The following ZNF605 variants were observed in gnomAD, a reference collection of about 807,000 sequenced individuals.
ZNF605 encodes the protein zinc finger protein 605.
In ZNF605, 9 loss-of-function variants were observed where a neutral mutation model predicts 7.9. The ratio of observed to expected loss-of-function variants is 1.14; its 90% confidence interval spans 0.68 to 1.98. The LOEUF is 1.98. Among genes scored for constraint, ZNF605 ranks in the 30% most tolerant of loss-of-function variants. The pLI is 0.00. For missense variants in ZNF605, 673 were observed against 762.4 expected, an observed-to-expected ratio of 0.88 and a Z score of 1.38; for synonymous variants, 255 against 260.1, an observed-to-expected ratio of 0.98 and a Z score of 0.19.
chr12:132,932,659 C>A lies in ZNF605; in HGVS notation c.136+376G>T. The A allele has an allele frequency of 1.6e-6, 2 of 1,241,340 alleles. 1 individual carries two copies. Among genetic ancestry groups the A allele is most frequent in the Non-Finnish European group, 2.2e-6 (2 of 904,180 alleles). The allele number at this position is 1,241,340 out of a possible 1,614,324, so 76.9% of individuals were successfully genotyped here. ...CACTTTAAAAGTGCCCACCTGTCATCAAAAACCTGAGATAAAATGTTCACT... is the reference window on the plus strand; with the variant it reads ...CACTTTAAAAGTGCCCACCTGTCATAAAAAACCTGAGATAAAATGTTCACT... On this transcript the variant is annotated intron_variant, in intron 4 of 4. Transcript: ENST00000360187.
chr12:132,941,752 C>T lies in ZNF605; in HGVS notation c.15+3869G>A, dbSNP rs1593595346. Among the ~76,000 whole-genome samples, 2 of 152,018 alleles carry T rather than the reference C, an allele frequency of 1.3e-5. No individual in the cohort carries two copies. The highest frequency in any genetic ancestry group is 6.6e-5 in the Admixed American group (1 of 15,250). ...GGTACCTCCAGGCTGCCCTCCGTCA[C>T]GCGTCCCTCTTCTCCGGGCTGCCCT... On this transcript the variant is annotated intron_variant, in intron 3 of 4. Coordinates refer to ENST00000360187, the MANE Select transcript of ZNF605 (RefSeq NM_183238.4). This position sits in a 1 kb window ranked among gnomAD's most constrained non-coding sequence, Gnocchi z 5.1.
chr12:132,932,938 A>C (rs1280745402), intron 4 of ZNF605, 97 bp downstream of exon 4: 2 of 1,455,514 alleles, frequency 1.4e-6, no homozygotes, highest in Non-Finnish European at 9.2e-7. Flanking sequence ...TATAAAAGTC[A>C]AATAATCTTT....
chr12:132,922,490 A>G lies in ZNF605; in HGVS notation c.*2883T>C, dbSNP rs1333961952. On this transcript the variant is annotated 3_prime_UTR_variant, in exon 5 of 5. Transcript: ENST00000360187. Reference sequence around the variant, plus strand: ...ATACAGATAGAAAATACTGATATGTAGTGTGGGGAATCTTGAGACATTTCA... The same window carrying G: ...ATACAGATAGAAAATACTGATATGTGGTGTGGGGAATCTTGAGACATTTCA... The G allele has an allele frequency of 1.3e-5, 2 of 152,264 alleles. No individual in the cohort carries two copies. The highest frequency in any genetic ancestry group is 4.8e-5 in the African/African-American group (2 of 41,478). The allele number at this position is 152,264 out of a possible 1,614,324, so 9.4% of individuals were successfully genotyped here.
In ZNF605 at chr12:132,925,276, T is replaced by C; in HGVS notation, c.*97A>G. 1 of 863,246 alleles carries C rather than the reference T, an allele frequency of 1.2e-6. No individual in the cohort carries two copies. The highest frequency in any genetic ancestry group is 3.0e-5 in the Admixed American group (1 of 33,434). The allele number at this position is 863,246 out of a possible 1,614,324, so 53.5% of individuals were successfully genotyped here. A position where few individuals can be genotyped will look rare whatever the true frequency, so the allele number is the denominator to read the frequency against. On this transcript the variant is annotated 3_prime_UTR_variant, in exon 5 of 5. Coordinates refer to ENST00000360187, the MANE Select transcript of ZNF605 (RefSeq NM_183238.4). ...CAATTCAAGCTTTTTCAACAGTCAC[T>C]GCCTCAATAGGGTTTCTCTCCCACA...
intron 3 of ZNF605, among the ~76,000 whole-genome samples, chr12:132,937,233 C>T (rs1479955493): frequency 2.0e-5 from 3 of 151,802 alleles, no homozygotes; most frequent in Non-Finnish European, 2.9e-5. Flanking sequence ...GTGACACGCA[C>T]CTGTAATCCT....
At position 132,926,098 on chromosome 12, in the gene ZNF605, C is replaced by T; in HGVS notation, c.1201G>A (p.Ala401Thr). ...ATTAACTCTGACTTCTTAAAGAAGG[C>T]CTCCTCACAATCACTGCATCGATAG... is the stretch of plus-strand genomic sequence containing the variant. Reference protein sequence around the residue: ...KNYRCSDCEEAFFKKSELIRH... With the variant: ...KNYRCSDCEETFFKKSELIRH... Residue 401 changes from alanine (A) to threonine (T), a missense_variant, in exon 5 of 5, where the codon GCC (alanine) becomes ACC (threonine). By Grantham distance (58) the Ala-to-Thr change is moderately conservative. Coordinates refer to ENST00000360187, the MANE Select transcript of ZNF605 (RefSeq NM_183238.4). The T allele has an allele frequency of 6.2e-7, 1 of 1,614,184 alleles. No individual in the cohort carries two copies. The highest frequency in any genetic ancestry group is 1.7e-5 in the Admixed American group (1 of 60,018).
Position 132,933,245 on chromosome 12 carries a change from A to T in ZNF605, c.16-90T>A. On this transcript the variant is annotated intron_variant, in intron 3 of 4. Transcript: ENST00000360187. The surrounding 1 kb of genome is among the most constrained non-coding windows in gnomAD (Gnocchi z 4.4). ...TCTGTATTTGTGGTAGGTGGCCTCTAAGATGGCCCCAGTGACCTCTGACTC... is the reference window on the plus strand; with the variant it reads ...TCTGTATTTGTGGTAGGTGGCCTCTTAGATGGCCCCAGTGACCTCTGACTC... The T allele has an allele frequency of 6.9e-7, 1 of 1,438,916 alleles. No homozygotes were observed. Among genetic ancestry groups the T allele is most frequent in the Non-Finnish European group, 9.3e-7 (1 of 1,070,522 alleles). The allele number at this position is 1,438,916 out of a possible 1,614,324, so 89.1% of individuals were successfully genotyped here.
intron 3 of ZNF605, among the ~76,000 whole-genome samples, chr12:132,938,524 C>G (rs1366299684): frequency 3.3e-5 from 5 of 152,150 alleles, no homozygotes; most frequent in African/African-American, 9.7e-5. Context: ...TGGTCTCGAA[C>G]TCCCGACCTC....
Position 132,954,245 on chromosome 12 carries a change from C to A in ZNF605, c.-286+1998G>T, listed in dbSNP as rs1019848943. Among the ~76,000 whole-genome samples, 680 of 148,688 alleles carry A rather than the reference C, an allele frequency of 4.6e-3. 3 individuals are homozygous for A. The highest frequency in any genetic ancestry group is 0.013 in the African/African-American group (511 of 40,070). On this transcript the variant is annotated intron_variant, in intron 1 of 4. Coordinates refer to ENST00000360187, the MANE Select transcript of ZNF605 (RefSeq NM_183238.4). ...CCAGACACCATAATCACCAGCACCC[C>A]CAAAGCCCCACTTAAGAATCACCAC... is the stretch of plus-strand genomic sequence containing the variant.
intron 1 of ZNF605, among the ~76,000 whole-genome samples, chr12:132,949,148 T>C (rs12315504): frequency 0.31 from 46,670 of 152,034 alleles, 8,110 homozygotes; most frequent in South Asian, 0.4. Flanking sequence ...AGGCTCTGAG[T>C]GAGTTGCTCC....
At chr12:132,934,203 T>C (rs11147171) in intron 3 of ZNF605, among the ~76,000 whole-genome samples, 9,684 of 151,238 alleles carry the variant, frequency 0.064, 433 homozygotes, top group Non-Finnish European at 0.092. Context: ...CACTTGAACC[T>C]GGGAGGTGGA....
chr12:132,926,903 T>C lies in ZNF605; in HGVS notation c.396A>G (p.Lys132=). ...ELNKKLLFCI[K]PGRTHGGIKY... ...TTATCCCACCATGGGTTCTGCCAGG[T>C]TTGATACAGAACAATAATTTCTTAT... Residue 132 remains lysine (K), a synonymous_variant, in exon 5 of 5, where the codon AAA becomes AAG. Coordinates refer to ENST00000360187, the MANE Select transcript of ZNF605 (RefSeq NM_183238.4). 6.2e-7 allele frequency: 1 copy of C among 1,613,878 alleles called. No individual in the cohort carries two copies. The highest frequency in any genetic ancestry group is 8.5e-7 in the Non-Finnish European group (1 of 1,179,938).
rs1219650083 is a variant in ZNF605, at chr12:132,925,410, G to A, written c.1889C>T (p.Ser630Leu). Residue 630 changes from serine (S) to leucine (L), a missense_variant, in exon 5 of 5, where the codon TCG becomes TTG. By Grantham distance (145) the Ser-to-Leu change is moderately radical. Transcript: ENST00000360187. ...ATTTCTCTGATGTATCATAAGCTGC[G>A]ACTTCCTGTTGAAGGTGGTCCCACA... ...NECGTTFNRK[S>L]QLMIHQRNHI... 9.3e-6 allele frequency: 15 copies of A among 1,604,934 alleles called. No homozygotes were observed. The highest frequency in any genetic ancestry group is 1.7e-5 in the Admixed American group (1 of 58,684).
intron 4 of ZNF605, among the ~76,000 whole-genome samples, chr12:132,928,965 A>G (rs951782660): frequency 1.3e-5 from 2 of 151,772 alleles, no homozygotes; most frequent in Non-Finnish European, 2.9e-5. Flanking sequence ...GCAGTGACCC[A>G]TAACTATCAC....
chr12:132,940,951 A>T (rs1227890875), intron 3 of ZNF605, among the ~76,000 whole-genome samples: 1 of 149,878 alleles, frequency 6.7e-6, no homozygotes, highest in Non-Finnish European at 1.5e-5. Context: ...GTCCACGTGT[A>T]CCCAGTGTTT....
intron 2 of ZNF605, among the ~76,000 whole-genome samples, chr12:132,946,415 C>T (rs1485580525): frequency 6.6e-6 from 1 of 152,200 alleles, no homozygotes; most frequent in African/African-American, 2.4e-5. Flanking sequence ...TGAGGCTGAG[C>T]AGGGCCTGGC....
At chr12:132,953,953 G>T (rs1298630089) in intron 1 of ZNF605, among the ~76,000 whole-genome samples, 4 of 151,742 alleles carry the variant, frequency 2.6e-5, no homozygotes, top group Non-Finnish European at 1.5e-5. Context: ...GTCATCTCTG[G>T]TACCCGGTCA....
chr12:132,940,735 T>C (rs1952427587), intron 3 of ZNF605, among the ~76,000 whole-genome samples: 1 of 152,048 alleles, frequency 6.6e-6, no homozygotes, highest in Non-Finnish European at 1.5e-5. Context: ...GACAGGACTT[T>C]TTAAAAAAAA....
chr12:132,926,506 T>C lies in ZNF605; in HGVS notation c.793A>G (p.Lys265Glu). The C allele has an allele frequency of 3.1e-6, 5 of 1,614,222 alleles. No individual in the cohort carries two copies. The South Asian group carries it at 5.5e-5, about 18-fold the overall frequency. ...CSECGKAFSR[K>E]SQLKRHQITH... ...ATCTGATGTCTTTTAAGCTGCGACT[T>C]CCTACTGAAGGCTTTTCCACATTCA... Residue 265 changes from lysine to glutamate, a missense_variant, in exon 5 of 5, where the codon AAG becomes GAG. By Grantham distance (56) the Lys-to-Glu change is moderately conservative. Coordinates refer to ENST00000360187, the MANE Select transcript of ZNF605 (RefSeq NM_183238.4).
Sources: allele counts gnomAD v4.1 joint callset (sites outside exome capture counted in the v4.1 genomes callset), GRCh38; gene constraint gnomAD v4.1.1; non-coding constraint Gnocchi (gnomAD v3.1); transcripts MANE v1.5; gene names NCBI Gene and HGNC (gene_info 2026-07-23, HGNC 2026-07-21).